Variants in PSD3 observed in about 807,000 individuals in gnomAD.
PSD3 encodes pleckstrin and Sec7 domain containing 3.
Under a neutral mutation model 105.5 loss-of-function variants are expected in PSD3, and 49 were observed. The ratio of observed to expected loss-of-function variants is 0.46; its 90% confidence interval spans 0.37 to 0.59. The LOEUF (loss-of-function observed/expected upper bound fraction) is 0.59. PSD3 is among the 20% of genes least tolerant of loss of function. The pLI is 0.00. For missense variants in PSD3, 1,561 were observed against 1,263.8 expected (o/e 1.24, Z -3.57); for synonymous variants, 557 against 457.8 (o/e 1.22, Z -2.77).
In PSD3 at chr8:18,821,717, A is replaced by ACACACACACACACACC. The variant is rs1554513425; in HGVS notation, c.1635-16820_1635-16819insGGTGTGTGTGTGTGTG. ...CACACACACACACACACACACACACACCCCAATAACAAAGCTCCAATTCCA... is the reference window on the plus strand; with the variant it reads ...CACACACACACACACACACACACACACACACACACACACACCCCCCAATAACAAAGCTCCAATTCCA... On this transcript the variant is annotated intron_variant, in intron 4 of 15. Transcript: ENST00000327040. 5.9e-3 allele frequency among the ~76,000 whole-genome samples: 830 copies of ACACACACACACACACC among 141,158 alleles called. 8 individuals are homozygous for ACACACACACACACACC. Among genetic ancestry groups the ACACACACACACACACC allele is most frequent in the Non-Finnish European group, 8.2e-3 (542 of 65,760 alleles). 92.6% of individuals were successfully genotyped at this position (141,158 alleles called of 152,430 possible). A position where few individuals can be genotyped will look rare whatever the true frequency, so the allele number is the denominator to read the frequency against.
intron 9 of PSD3, among the ~76,000 whole-genome samples, chr8:18,765,071 A>C (rs1806860891): frequency 1.3e-5 from 2 of 152,196 alleles, no homozygotes; most frequent in South Asian, 2.1e-4. Context: ...GGGATTGAAC[A>C]CAGTTGGAAC....
intron 9 of PSD3, among the ~76,000 whole-genome samples, chr8:18,745,755 C>A (rs749338865): frequency 6.6e-5 from 10 of 152,168 alleles, no homozygotes; most frequent in Non-Finnish European, 1.5e-4. Context: ...TATATACATA[C>A]CCATCATGCA....
chr8:19,072,126 G>C (rs4921985), intron 1 of PSD3, among the ~76,000 whole-genome samples: 1 of 149,152 alleles, frequency 6.7e-6, no homozygotes. Flanking sequence ...TTTTGTGACG[G>C]AGTCTCCCTC....
intron 9 of PSD3, among the ~76,000 whole-genome samples, chr8:18,748,108 T>C (rs1805174057): frequency 6.6e-6 from 1 of 152,170 alleles, no homozygotes. Flanking sequence ...ATTTCTCATA[T>C]GCAGCATGTG....
chr8:19,045,554 C>A, intron 1 of PSD3, among the ~76,000 whole-genome samples: 1 of 152,162 alleles, frequency 6.6e-6, no homozygotes, highest in Non-Finnish European at 1.5e-5. Flanking sequence ...TTTCTAGGAC[C>A]GATTCTACAG....
At chr8:18,581,013 C>G (rs1322463349) in intron 12 of PSD3, among the ~76,000 whole-genome samples, 3 of 152,136 alleles carry the variant, frequency 2.0e-5, no homozygotes, top group African/African-American at 7.2e-5. Flanking sequence ...AAGAGAGAAG[C>G]AGAGACTGGC....
chr8:18,592,250 C>G (rs1378007200), intron 12 of PSD3, among the ~76,000 whole-genome samples: 2 of 151,938 alleles, frequency 1.3e-5, no homozygotes, highest in African/African-American at 4.8e-5. Context: ...ATGAAAAATT[C>G]AGATGAGAGG....
chr8:18,628,523 T>G (rs549757811), intron 11 of PSD3, among the ~76,000 whole-genome samples: 1 of 151,984 alleles, frequency 6.6e-6, no homozygotes, highest in Admixed American at 6.6e-5. Context: ...AAAATAAAGA[T>G]ATTTTCACAC....
chr8:18,665,626 T>C (rs1254554649), intron 9 of PSD3, among the ~76,000 whole-genome samples: 1 of 152,252 alleles, frequency 6.6e-6, no homozygotes, highest in African/African-American at 2.4e-5. Flanking sequence ...CATTTCTGAA[T>C]GAAGTTCTAC....
chr8:18,712,672 C>G (rs968811240), intron 9 of PSD3, among the ~76,000 whole-genome samples: 1 of 152,040 alleles, frequency 6.6e-6, no homozygotes, highest in South Asian at 2.1e-4. Context: ...AAGCCCAGGA[C>G]CAGATGCATT....
chr8:18,877,550 T>G (rs1002860296), intron 2 of PSD3, among the ~76,000 whole-genome samples: 3 of 151,644 alleles, frequency 2.0e-5, no homozygotes, highest in Non-Finnish European at 2.9e-5. Flanking sequence ...TTTTTTTTTT[T>G]TTTTTCTTTT....
At chr8:18,902,846 C>T (rs1010846761) in intron 2 of PSD3, among the ~76,000 whole-genome samples, 3 of 152,158 alleles carry the variant, frequency 2.0e-5, no homozygotes, top group African/African-American at 4.8e-5. Context: ...GTGACAGTGG[C>T]ATAGGCTGCT....
At chr8:18,664,263 G>C (rs1313624118) in intron 9 of PSD3, among the ~76,000 whole-genome samples, 1 of 152,166 alleles carries the variant, frequency 6.6e-6, no homozygotes, top group Non-Finnish European at 1.5e-5. Context: ...AGTTGTAAAT[G>C]AAAAGAAAAA....
chr8:18,582,860 C>G (rs1022669898), intron 12 of PSD3, among the ~76,000 whole-genome samples: 1 of 141,944 alleles, frequency 7.0e-6, no homozygotes, highest in African/African-American at 2.8e-5. Flanking sequence ...GAGTCTCGCT[C>G]TGTCACCCAG....
chr8:18,672,715 C>T (rs1799851190), intron 9 of PSD3, among the ~76,000 whole-genome samples: 1 of 152,152 alleles, frequency 6.6e-6, no homozygotes, highest in African/African-American at 2.4e-5. Flanking sequence ...AAGAAAGGAC[C>T]AGCCTTTCAC....
chr8:18,771,404 T>C (rs1807517579), intron 8 of PSD3, among the ~76,000 whole-genome samples: 1 of 152,202 alleles, frequency 6.6e-6, no homozygotes, highest in Admixed American at 6.5e-5. Context: ...CTTACTTGTG[T>C]ATTTTATATC....
intron 9 of PSD3, among the ~76,000 whole-genome samples, chr8:18,720,131 G>T (rs1397650268): frequency 6.6e-6 from 1 of 152,028 alleles, no homozygotes; most frequent in East Asian, 1.9e-4. Flanking sequence ...CATATATGTA[G>T]AGAAAATCTG....
chr8:18,991,921 C>T (rs1336211530), intron 1 of PSD3, among the ~76,000 whole-genome samples: 1 of 152,130 alleles, frequency 6.6e-6, no homozygotes, highest in Non-Finnish European at 1.5e-5. Flanking sequence ...ATCATTCAAC[C>T]CTCAAAAACA....
At chr8:18,591,049 T>G (rs756859846) in intron 12 of PSD3, among the ~76,000 whole-genome samples, 2 of 152,064 alleles carry the variant, frequency 1.3e-5, no homozygotes, top group Non-Finnish European at 2.9e-5. Context: ...AATAAAAATA[T>G]TGAGTAATCA....
Sources: allele counts gnomAD v4.1 joint callset (sites outside exome capture counted in the v4.1 genomes callset), GRCh38; gene constraint gnomAD v4.1.1; transcripts MANE v1.5; gene names NCBI Gene and HGNC (gene_info 2026-07-23, HGNC 2026-07-21).